SP100: variants seen among roughly 807,000 people sequenced by gnomAD.
SP100 encodes SP100 nuclear body protein.
SP100 carries 84 observed loss-of-function variants against 130.0 expected under a neutral mutation model. The observed-to-expected ratio is 0.65, with a 90% CI of 0.54 to 0.77. The LOEUF is 0.77. Among genes scored for constraint, SP100 ranks in the 30% least tolerant of loss-of-function variants. The pLI, the probability that SP100 is intolerant of heterozygous loss-of-function variation, is 0.00. For missense variants in SP100, 978 were observed against 1,052.2 expected, an observed-to-expected ratio of 0.93 and a Z score of 0.97; for synonymous variants, 331 against 351.7, an observed-to-expected ratio of 0.94 and a Z score of 0.66.
At chr2:230,495,326 A>T (rs2150047443) in intron 18 of SP100, among the ~76,000 whole-genome samples, 1 of 151,952 alleles carries the variant, frequency 6.6e-6, no homozygotes, top group East Asian at 1.9e-4. Flanking sequence ...TATTTTATTT[A>T]TTTTTTTCTT....
At chr2:230,422,650 T>G (rs2062801480) in intron 2 of SP100, among the ~76,000 whole-genome samples, 1 of 152,226 alleles carries the variant, frequency 6.6e-6, no homozygotes, top group Admixed American at 6.5e-5. Context: ...CCCTTTTCTA[T>G]TCCCTGATCT....
intron 18 of SP100, 72 bp downstream of exon 18, chr2:230,494,532 T>C: frequency 3.4e-6 from 4 of 1,162,002 alleles, no homozygotes; most frequent in Non-Finnish European, 3.9e-6. Flanking sequence ...ACCCCATCTT[T>C]GCTGCAGCCT....
At chr2:230,499,806 A>C (rs1008169951) in intron 19 of SP100, among the ~76,000 whole-genome samples, 1 of 152,060 alleles carries the variant, frequency 6.6e-6, no homozygotes, top group Admixed American at 6.6e-5. Context: ...TCATTCCCTG[A>C]CATTCCCAGG....
chr2:230,455,324 A>G (rs970437687), intron 8 of SP100, among the ~76,000 whole-genome samples: 1 of 152,220 alleles, frequency 6.6e-6, no homozygotes, highest in African/African-American at 2.4e-5. Context: ...TCAGCCTCCC[A>G]AAGTGTTGGG....
chr2:230,455,148 C>T (rs370206412), intron 8 of SP100, among the ~76,000 whole-genome samples: 23 of 152,084 alleles, frequency 1.5e-4, no homozygotes, highest in East Asian at 9.6e-4. Context: ...AATCATGGCT[C>T]GCTGCAGCCT....
In SP100 at chr2:230,511,134, G is replaced by A; in HGVS notation, c.2062G>A (p.Glu688Lys). Residue 688 changes from glutamate to lysine, a missense_variant, in exon 24 of 29, where the codon GAA (glutamate) becomes AAA (lysine). Glu to Lys is a moderately conservative substitution (Grantham distance 56). Transcript: ENST00000340126. ...PPSTRKKRIL[E>K]SHNNTLVDPC... ...CTGTTTTTTTCAACAGAGAATACTG[G>A]AATCTCACAACAATACCTTAGTTGA... The A allele has an allele frequency of 1.3e-5, 21 of 1,608,358 alleles. No homozygotes were observed. The highest frequency in any genetic ancestry group is 1.8e-5 in the Non-Finnish European group (21 of 1,175,008).
chr2:230,535,799 C>T (rs1431512482), intron 24 of SP100, among the ~76,000 whole-genome samples: 4 of 143,884 alleles, frequency 2.8e-5, no homozygotes, highest in East Asian at 2.1e-4. Context: ...CCCAGCTACT[C>T]GGGAGGCTGA....
chr2:230,533,332 T>C (rs1691790075), intron 24 of SP100, among the ~76,000 whole-genome samples: 1 of 152,232 alleles, frequency 6.6e-6, no homozygotes, highest in Non-Finnish European at 1.5e-5. Context: ...ACCAGAATGC[T>C]AGCAATTAGA....
chr2:230,501,354 T>C (rs1399335228), intron 19 of SP100, among the ~76,000 whole-genome samples: 2 of 152,196 alleles, frequency 1.3e-5, no homozygotes, highest in Non-Finnish European at 2.9e-5. Context: ...ATCTCCATAA[T>C]ATTTTAATAA....
chr2:230,457,529 C>T (rs994387531), intron 8 of SP100, among the ~76,000 whole-genome samples: 3 of 152,088 alleles, frequency 2.0e-5, no homozygotes, highest in African/African-American at 4.8e-5. Flanking sequence ...TTACTGAAGT[C>T]GGTTCTGTGG....
chr2:230,466,441 G>T, intron 12 of SP100, 87 bp downstream of exon 12: 1 of 769,316 alleles, frequency 1.3e-6, no homozygotes, highest in Non-Finnish European at 2.3e-6. Context: ...AAAAGAGTCA[G>T]TCTAATTCCT....
At chr2:230,526,010 G>T (rs1336773405) in intron 24 of SP100, among the ~76,000 whole-genome samples, 1 of 152,222 alleles carries the variant, frequency 6.6e-6, no homozygotes, top group Non-Finnish European at 1.5e-5. Context: ...GAGAGCTTCT[G>T]CAGACTTAAA....
chr2:230,483,440 G>A (rs1175077640), intron 17 of SP100, among the ~76,000 whole-genome samples: 1 of 152,158 alleles, frequency 6.6e-6, no homozygotes, highest in Non-Finnish European at 1.5e-5. Context: ...GAGGGGTTGG[G>A]CGGGAAGTGG....
intron 8 of SP100, among the ~76,000 whole-genome samples, chr2:230,456,567 T>C (rs1452478099): frequency 2.0e-5 from 3 of 152,214 alleles, no homozygotes; most frequent in Non-Finnish European, 4.4e-5. Flanking sequence ...TTTTGGTGTG[T>C]TTCATAAATC....
At chr2:230,475,165 A>C (rs1054443493) in intron 17 of SP100, among the ~76,000 whole-genome samples, 2 of 152,150 alleles carry the variant, frequency 1.3e-5, no homozygotes, top group African/African-American at 2.4e-5. Context: ...ACAGTGTATG[A>C]GCATTCCTTT....
chr2:230,537,059 A>G (rs1001747679), intron 24 of SP100, among the ~76,000 whole-genome samples: 2 of 152,142 alleles, frequency 1.3e-5, no homozygotes, highest in African/African-American at 4.8e-5. Context: ...TGAGTTTGAG[A>G]CCAGCCTGGG....
chr2:230,440,362 T>C (rs1435783442), intron 2 of SP100: 1 of 285,246 alleles, frequency 3.5e-6, no homozygotes, highest in Non-Finnish European at 6.4e-6. Context: ...CATATAATAG[T>C]AATAAGGAAT....
chr2:230,486,552 C>A (rs577732317), intron 17 of SP100, among the ~76,000 whole-genome samples: 1 of 152,148 alleles, frequency 6.6e-6, no homozygotes, highest in East Asian at 1.9e-4. Context: ...AGATGTACCA[C>A]ATTTTCTTTA....
At chr2:230,442,818 C>A in intron 2 of SP100, 119 bp from the exon 3 acceptor site, 3 of 834,962 alleles carry the variant, frequency 3.6e-6, no homozygotes, top group South Asian at 1.6e-5. Context: ...CTACTGAGGA[C>A]CACCTAATTT....
Sources: allele counts gnomAD v4.1 joint callset (sites outside exome capture counted in the v4.1 genomes callset), GRCh38; gene constraint gnomAD v4.1.1; transcripts MANE v1.5; gene names NCBI Gene and HGNC (gene_info 2026-07-23, HGNC 2026-07-21).